Variants in CNTNAP2 observed in about 807,000 individuals in gnomAD.
CNTNAP2 encodes the protein contactin-associated protein-like 2.
In CNTNAP2, 98 loss-of-function variants were observed where a neutral mutation model predicts 155.2. The observed-to-expected ratio is 0.63, with a 90% CI of 0.54 to 0.75. The LOEUF (loss-of-function observed/expected upper bound fraction) is 0.75, where lower values mean the gene tolerates loss of function less well. CNTNAP2 is among the 30% of genes least tolerant of loss of function. CNTNAP2 has a pLI of 0.00. For synonymous variants in CNTNAP2, 651 were observed against 631.2 expected (o/e 1.03, Z -0.47); for missense variants, 1,727 against 1,688.1 (o/e 1.02, Z -0.40).
intron 12 of CNTNAP2, among the ~76,000 whole-genome samples, chr7:147,630,749 A>G (rs998951366): frequency 6.6e-6 from 1 of 152,196 alleles, no homozygotes; most frequent in African/African-American, 2.4e-5. Flanking sequence ...AGATGCAGAA[A>G]AAGCATTTGA....
intron 1 of CNTNAP2, among the ~76,000 whole-genome samples, chr7:146,422,108 C>A (rs1584917792): frequency 6.6e-6 from 1 of 151,052 alleles, no homozygotes; most frequent in East Asian, 1.9e-4. Flanking sequence ...ATTCTTATCT[C>A]AATAGCTTTT....
rs1339848281 is a variant in CNTNAP2, at chr7:146,721,859, A to ATGTG, written c.98-52398_98-52395dup. Among the ~76,000 whole-genome samples the ATGTG allele has an allele frequency of 6.0e-3, 554 of 92,596 alleles. 89 individuals carry two copies. The highest frequency in any genetic ancestry group is 0.058 in the African/African-American group (518 of 8,944). The allele number at this position is 92,596 out of a possible 152,430, so 60.7% of individuals were successfully genotyped here. Reference sequence around the variant, plus strand: ...GTCTATATATATATTCTACATTTATATGTGTGTGTGTGTGTGTATATATAT... The same window carrying ATGTG: ...GTCTATATATATATTCTACATTTATATGTGTGTGTGTGTGTGTGTGTATATATAT... On this transcript the variant is annotated intron_variant, in intron 1 of 23. Coordinates refer to ENST00000361727, the MANE Select transcript of CNTNAP2 (RefSeq NM_014141.6).
intron 22 of CNTNAP2, among the ~76,000 whole-genome samples, chr7:148,405,854 T>G (rs992707709): frequency 1.3e-5 from 2 of 151,686 alleles, no homozygotes; most frequent in Admixed American, 1.3e-4. Flanking sequence ...GACCTCATGA[T>G]CCACTTGCCT....
At chr7:147,900,335 T>C (rs1007906510) in intron 13 of CNTNAP2, among the ~76,000 whole-genome samples, 2 of 152,150 alleles carry the variant, frequency 1.3e-5, no homozygotes, top group Non-Finnish European at 2.9e-5. Context: ...CCCCATGCTG[T>C]TCTCATGATA....
chr7:146,641,241 G>C (rs1252246980), intron 1 of CNTNAP2, among the ~76,000 whole-genome samples: 2 of 152,108 alleles, frequency 1.3e-5, no homozygotes, highest in Non-Finnish European at 2.9e-5. Flanking sequence ...GCAGGAGAAT[G>C]GCGTGAACCC....
intron 1 of CNTNAP2, among the ~76,000 whole-genome samples, chr7:146,260,268 A>G (rs1446989693): frequency 2.0e-5 from 3 of 152,218 alleles, no homozygotes; most frequent in Admixed American, 6.5e-5. Context: ...GGAGAACCTC[A>G]ATTAGGGCAA....
chr7:146,345,575 T>C (rs968350698), intron 1 of CNTNAP2, among the ~76,000 whole-genome samples: 6 of 152,110 alleles, frequency 3.9e-5, no homozygotes, highest in African/African-American at 1.4e-4. Flanking sequence ...ACACAAAACC[T>C]GAGAAGCCCA....
At chr7:146,532,547 C>T (rs1372005075) in intron 1 of CNTNAP2, among the ~76,000 whole-genome samples, 2 of 152,102 alleles carry the variant, frequency 1.3e-5, no homozygotes, top group Admixed American at 6.5e-5. Flanking sequence ...AGCCTCACAA[C>T]CTTATGTCAC....
At chr7:147,094,465 G>A (rs1046354422) in intron 4 of CNTNAP2, among the ~76,000 whole-genome samples, 10 of 147,412 alleles carry the variant, frequency 6.8e-5, no homozygotes, top group African/African-American at 2.5e-4. Context: ...GCGGTGCCGC[G>A]ATCTCGGCTC....
At chr7:147,726,569 A>T (rs1343311870) in intron 13 of CNTNAP2, among the ~76,000 whole-genome samples, 2 of 152,016 alleles carry the variant, frequency 1.3e-5, no homozygotes, top group Non-Finnish European at 2.9e-5. Flanking sequence ...AACTGCAGAC[A>T]TCTGGGCAGC....
intron 21 of CNTNAP2, among the ~76,000 whole-genome samples, chr7:148,350,488 A>G (rs1438907186): frequency 2.0e-5 from 3 of 152,232 alleles, no homozygotes; most frequent in African/African-American, 4.8e-5. Flanking sequence ...ATATCCATTC[A>G]ACTAGTCAGC....
rs533934633 is a variant in CNTNAP2, at chr7:146,677,777, C to G, written c.98-96494C>G. The stretch of plus-strand genomic sequence containing the variant: ...TAGCTTAAGCTATTGATTAGCTATA[C>G]GTTGTTCTCTATATCAGAAATTCCA... On this transcript the variant is annotated intron_variant, in intron 1 of 23. Transcript: ENST00000361727. 3.3e-5 allele frequency among the ~76,000 whole-genome samples: 5 copies of G among 151,698 alleles called. No homozygotes were observed. In the East Asian group the frequency reaches 9.7e-4, roughly 30 times the overall value.
At chr7:147,754,790 C>T (rs1797192041) in intron 13 of CNTNAP2, among the ~76,000 whole-genome samples, 1 of 151,500 alleles carries the variant, frequency 6.6e-6, no homozygotes, top group Admixed American at 6.6e-5. Context: ...AAAATGGGAG[C>T]AGGGAGAATA....
intron 13 of CNTNAP2, among the ~76,000 whole-genome samples, chr7:147,653,891 G>C (rs1307992651): frequency 6.6e-6 from 1 of 152,088 alleles, no homozygotes; most frequent in Non-Finnish European, 1.5e-5. Flanking sequence ...ATTTTATTTT[G>C]TTTTTATTTC....
At chr7:147,926,823 A>G (rs1194815161) in intron 14 of CNTNAP2, among the ~76,000 whole-genome samples, 2 of 152,234 alleles carry the variant, frequency 1.3e-5, no homozygotes, top group African/African-American at 2.4e-5. Flanking sequence ...TTCAGGTGAT[A>G]ATACAATGGA....
At chr7:147,143,471 T>C (rs2129287817) in intron 8 of CNTNAP2, among the ~76,000 whole-genome samples, 1 of 152,294 alleles carries the variant, frequency 6.6e-6, no homozygotes, top group Non-Finnish European at 1.5e-5. Context: ...ATCTTCTAAA[T>C]TTTTTTAAGA....
intron 9 of CNTNAP2, among the ~76,000 whole-genome samples, chr7:147,340,653 TTATATGTCCTAAAAAC>T (rs1376817430): frequency 2.0e-5 from 3 of 152,184 alleles, no homozygotes; most frequent in Non-Finnish European, 2.9e-5. Flanking sequence ...CTAAAAACAC[TTATATGTCCTAAAAAC>T]AGTGACATAT....
At chr7:147,791,023 A>G (rs1171212012) in intron 13 of CNTNAP2, among the ~76,000 whole-genome samples, 3 of 152,220 alleles carry the variant, frequency 2.0e-5, no homozygotes, top group Non-Finnish European at 4.4e-5. Flanking sequence ...TCTCTCTTGT[A>G]AAGTTACTTT....
chr7:146,352,720 T>G (rs17170057), intron 1 of CNTNAP2, among the ~76,000 whole-genome samples: 25,662 of 139,634 alleles, frequency 0.18, 3,119 homozygotes, highest in Admixed American at 0.31. Flanking sequence ...AGATATAGTC[T>G]TCTCTTATAA....
Sources: allele counts gnomAD v4.1 joint callset (sites outside exome capture counted in the v4.1 genomes callset), GRCh38; gene constraint gnomAD v4.1.1; transcripts MANE v1.5; gene names NCBI Gene and HGNC (gene_info 2026-07-23, HGNC 2026-07-21).